Variants in TMEM232 observed in about 807,000 individuals in gnomAD.
TMEM232 encodes the protein transmembrane protein 232.
Under a neutral mutation model 78.8 loss-of-function variants are expected in TMEM232, and 80 were observed. The observed-to-expected ratio is 1.01, with a 90% CI of 0.85 to 1.22. The LOEUF is 1.22. TMEM232 is among the 50% of genes most tolerant of loss of function. TMEM232 has a pLI of 0.00. For synonymous variants in TMEM232, 297 were observed against 254.3 expected, an observed-to-expected ratio of 1.17 and a Z score of -1.60; for missense variants, 881 against 742.2, an observed-to-expected ratio of 1.19 and a Z score of -2.17.
intron 10 of TMEM232, among the ~76,000 whole-genome samples, chr5:110,577,689 C>A (rs1777723467): frequency 6.6e-6 from 1 of 151,986 alleles, no homozygotes; most frequent in African/African-American, 2.4e-5. Context: ...TACTATGTAG[C>A]CATAAAAAAT....
intron 5 of TMEM232, among the ~76,000 whole-genome samples, chr5:110,637,609 A>G (rs1212829441): frequency 2.6e-5 from 4 of 152,052 alleles, no homozygotes; most frequent in Non-Finnish European, 1.5e-5. Flanking sequence ...CTTAAAAAAT[A>G]CTTTTAGCCT....
Position 110,516,159 on chromosome 5 carries a change from A to G in TMEM232, c.1703+12429T>C, listed in dbSNP as rs1768607251. Reference sequence around the variant, plus strand: ...GAGGCTGACGCAGGAGAACGGCGTGAACCTGGGAGGCGGAGCTTGCAGTGA... The same window carrying G: ...GAGGCTGACGCAGGAGAACGGCGTGGACCTGGGAGGCGGAGCTTGCAGTGA... On this transcript the variant is annotated intron_variant, in intron 12 of 13. Coordinates refer to ENST00000455884, the MANE Select transcript of TMEM232 (RefSeq NM_001039763.4). 2.6e-5 allele frequency among the ~76,000 whole-genome samples: 4 copies of G among 152,274 alleles called. No individual in the cohort carries two copies. In the South Asian group the frequency reaches 8.3e-4, roughly 32 times the overall value.
chr5:110,630,880 G>A (rs1486413751), intron 5 of TMEM232, among the ~76,000 whole-genome samples: 1 of 152,014 alleles, frequency 6.6e-6, no homozygotes, highest in Non-Finnish European at 1.5e-5. Flanking sequence ...CCATGGCAGA[G>A]CTCGTCTACC....
intron 12 of TMEM232, among the ~76,000 whole-genome samples, chr5:110,490,776 C>T (rs1764999773): frequency 6.6e-6 from 1 of 151,994 alleles, no homozygotes; most frequent in South Asian, 2.1e-4. Context: ...TATCCACTTA[C>T]AAAAAAATGA....
intron 12 of TMEM232, among the ~76,000 whole-genome samples, chr5:110,440,420 A>G (rs967371975): frequency 3.3e-5 from 5 of 152,150 alleles, no homozygotes; most frequent in Admixed American, 6.6e-5. Context: ...GGGGGCATAT[A>G]TTCTTAAGAA....
intron 1 of TMEM232, among the ~76,000 whole-genome samples, chr5:110,672,819 T>C (rs998039622): frequency 6.6e-6 from 1 of 151,958 alleles, no homozygotes; most frequent in African/African-American, 2.4e-5. Context: ...TTTAGTACTA[T>C]TATTTTTATT....
chr5:110,665,915 A>AC (rs1790519691), intron 2 of TMEM232, among the ~76,000 whole-genome samples: 1 of 150,024 alleles, frequency 6.7e-6, no homozygotes, highest in Admixed American at 6.7e-5. Flanking sequence ...AAAAAAAACT[A>AC]AAAATTAGCC....
At chr5:110,728,785 C>T (rs1434612365), upstream of TMEM232, among the ~76,000 whole-genome samples, 7 of 150,136 alleles carry the variant, frequency 4.7e-5, no homozygotes, top group Admixed American at 2.7e-4. Flanking sequence ...ACCATCCTAA[C>T]CCCTTAGTAT....
intron 11 of TMEM232, among the ~76,000 whole-genome samples, chr5:110,537,856 G>A (rs552630329): frequency 8.5e-5 from 13 of 152,210 alleles, no homozygotes; most frequent in South Asian, 2.1e-4. Flanking sequence ...GGCCTTAGCC[G>A]TTGCTCTCTC....
chr5:110,712,937 T>C (rs550685118), intron 1 of TMEM232, among the ~76,000 whole-genome samples: 9 of 152,288 alleles, frequency 5.9e-5, no homozygotes, highest in Non-Finnish European at 1.0e-4. Flanking sequence ...GAAATTAGTA[T>C]ATCAAAAAGA....
intron 2 of TMEM232, among the ~76,000 whole-genome samples, chr5:110,665,038 T>G (rs569378704): frequency 2.0e-5 from 3 of 152,166 alleles, no homozygotes; most frequent in African/African-American, 7.2e-5. Flanking sequence ...CACATTGAGG[T>G]TGGGACTTCA....
chr5:110,736,464 C>T (rs1799178734), intron 1 of TMEM232, among the ~76,000 whole-genome samples: 1 of 152,142 alleles, frequency 6.6e-6, no homozygotes, highest in South Asian at 2.1e-4. Flanking sequence ...CATTTTAGCA[C>T]ATTCTTCTAT....
At chr5:110,714,076 CT>C (rs2150323438) in intron 1 of TMEM232, among the ~76,000 whole-genome samples, 1 of 152,296 alleles carries the variant, frequency 6.6e-6, no homozygotes, top group Non-Finnish European at 1.5e-5. Flanking sequence ...GAGAGTGTGA[CT>C]ACACCCCTCA....
intron 12 of TMEM232, among the ~76,000 whole-genome samples, chr5:110,523,026 C>T (rs1769780019): frequency 6.6e-6 from 1 of 152,138 alleles, no homozygotes; most frequent in African/African-American, 2.4e-5. Context: ...AATGAAGCTA[C>T]TGGGCAAGGG....
chr5:110,399,473 A>G (rs1218458241), intron 2 of TMEM232, among the ~76,000 whole-genome samples: 1 of 152,142 alleles, frequency 6.6e-6, no homozygotes, highest in East Asian at 1.9e-4. Flanking sequence ...GGCATCAAAT[A>G]TCTGAGATAT....
downstream of TMEM232, among the ~76,000 whole-genome samples, chr5:110,416,686 A>G (rs1756227190): frequency 6.6e-6 from 1 of 152,192 alleles, no homozygotes; most frequent in Non-Finnish European, 1.5e-5. Flanking sequence ...AGTTACAGAG[A>G]AGGTTTTTAC....
chr5:110,671,382 G>A (rs1208208260), intron 1 of TMEM232, among the ~76,000 whole-genome samples: 1 of 152,130 alleles, frequency 6.6e-6, no homozygotes, highest in East Asian at 1.9e-4. Context: ...ATTTGACCCA[G>A]CAATCCCATT....
At chr5:110,473,461 C>A (rs946694484) in intron 12 of TMEM232, among the ~76,000 whole-genome samples, 4 of 151,524 alleles carry the variant, frequency 2.6e-5, no homozygotes, top group Admixed American at 1.3e-4. Flanking sequence ...GAAAAGGGAA[C>A]CCTTATGCAC....
chr5:110,608,753 G>C (rs188098699), intron 8 of TMEM232, among the ~76,000 whole-genome samples: 1 of 152,124 alleles, frequency 6.6e-6, no homozygotes, highest in African/African-American at 2.4e-5. Context: ...ACTGGAGTTT[G>C]TCGAAAACAA....
Sources: allele counts gnomAD v4.1 joint callset (sites outside exome capture counted in the v4.1 genomes callset), GRCh38; gene constraint gnomAD v4.1.1; transcripts MANE v1.5; gene names NCBI Gene and HGNC (gene_info 2026-07-23, HGNC 2026-07-21).